PUM3: variants seen among roughly 807,000 people sequenced by gnomAD.
PUM3 encodes pumilio homolog 3.
A neutral mutation model predicts 84.0 loss-of-function variants in PUM3; 91 were observed. The ratio of observed to expected loss-of-function variants is 1.08; its 90% CI spans 0.91 to 1.29. The LOEUF (loss-of-function observed/expected upper bound fraction) is 1.29. PUM3 is among the 50% of genes most tolerant of loss of function. PUM3 has a pLI of 0.00. For synonymous variants in PUM3, 321 were observed against 266.7 expected (o/e 1.20, Z -1.98); for missense variants, 1,067 against 767.5 (o/e 1.39, Z -4.61).
intron 16 of PUM3, among the ~76,000 whole-genome samples, chr9:2,808,610 A>C (rs553816870): frequency 3.9e-5 from 6 of 152,320 alleles, no homozygotes; most frequent in Admixed American, 1.3e-4. Flanking sequence ...GTACTATATA[A>C]TTCATTCAAA....
Position 2,820,142 on chromosome 9 carries a change from G to C in PUM3, c.1189-44C>G, listed in dbSNP as rs564916000. 2.9e-5 allele frequency: 34 copies of C among 1,155,444 alleles called. No homozygotes were observed. The East Asian group carries it at 7.7e-4, about 26-fold the overall frequency. 71.6% of individuals were successfully genotyped at this position (1,155,444 alleles called of 1,614,324 possible). A position where few individuals can be genotyped will look rare whatever the true frequency, so the allele number is the denominator to read the frequency against. On this transcript the variant is annotated intron_variant, in intron 12 of 17. Coordinates refer to ENST00000397885, the MANE Select transcript of PUM3 (RefSeq NM_014878.5). ...AGCAAAGGTTAAAAACAAGTGCATA[G>C]ATCTTCCCTCTTATTTCACACATGG...
chr9:2,811,606 T>A, intron 14 of PUM3, 23 bp from the exon 15 acceptor site: 1 of 1,575,208 alleles, frequency 6.3e-7, no homozygotes, highest in Non-Finnish European at 8.7e-7. Context: ...TTGAACGGGG[T>A]ATTAAGGTAA....
At position 2,843,654 on chromosome 9, in the gene PUM3, C is replaced by A. The variant is rs187928409; in HGVS notation, c.-11+391G>T. Among the ~76,000 whole-genome samples, 838 of 147,042 alleles carry A rather than the reference C, an allele frequency of 5.7e-3. 7 individuals are homozygous for A. Among genetic ancestry groups the A allele is most frequent in the Middle Eastern group, 0.038 (11 of 286 alleles). On this transcript the variant is annotated intron_variant, in intron 1 of 17. Coordinates refer to ENST00000397885, the MANE Select transcript of PUM3 (RefSeq NM_014878.5). ...AGTGTAGTGGCACGATCTTGGCTCA[C>A]TGCAAGCTCCGCCTCCCGGGTTCAC...
rs1191559050 is a variant in PUM3 at position 2,810,424 on chromosome 9, A to G, written c.1643T>C (p.Ile548Thr). 6.2e-7 allele frequency: 1 copy of G among 1,605,704 alleles called. No homozygotes were observed. The highest frequency in any genetic ancestry group is 8.5e-7 in the Non-Finnish European group (1 of 1,175,342). The change falls in exon 16 of 18, where the codon ATT (isoleucine) becomes ACT (threonine). Residue 548 changes from isoleucine (I) to threonine (T), a missense_variant. Ile to Thr is a moderately conservative substitution (Grantham distance 89). Coordinates refer to ENST00000397885, the MANE Select transcript of PUM3 (RefSeq NM_014878.5). ...TAGATGTCCTGCAGGATGTTCTGCA[A>G]TGTGAAGCTATGAAGGGTCAAGAAC... Reference protein sequence around the residue: ...HPGGKDGELHIAEHPAGHLVL... With the variant: ...HPGGKDGELHTAEHPAGHLVL...
Position 2,807,887 on chromosome 9 carries a change from G to A in PUM3, c.1741C>T (p.Leu581Phe), listed in dbSNP as rs771186255. 1.9e-6 allele frequency: 3 copies of A among 1,612,552 alleles called. No individual in the cohort carries two copies. Among genetic ancestry groups the A allele is most frequent in the African/African-American group, 2.7e-5 (2 of 74,892 alleles). Residue 581 changes from leucine to phenylalanine, a missense_variant, in exon 17 of 18, where the codon CTT becomes TTT. Leu to Phe is a conservative substitution (Grantham distance 22). Transcript: ENST00000397885. ...NGREGCFAKT[L>F]VEHVGMKNLK... ...TTCTTCATACCAACATGCTCTACAA[G>A]TGTTTTTGCAAAACAACCTGTAAAA... is the stretch of plus-strand genomic sequence containing the variant.
intron 16 of PUM3, among the ~76,000 whole-genome samples, chr9:2,808,360 T>G (rs1035869942): frequency 7.2e-5 from 11 of 152,218 alleles, no homozygotes; most frequent in Admixed American, 1.3e-4. Context: ...TCAACAGTGG[T>G]TGATAAATGA....
intron 13 of PUM3, among the ~76,000 whole-genome samples, chr9:2,819,247 G>C (rs991830326): frequency 6.6e-6 from 1 of 152,182 alleles, no homozygotes; most frequent in Non-Finnish European, 1.5e-5. Context: ...ATCAGAAAAA[G>C]AGACTATTGA....
intron 5 of PUM3, 103 bp downstream of exon 5, chr9:2,833,254 C>A: frequency 1.8e-6 from 1 of 551,460 alleles, no homozygotes. Flanking sequence ...GCCAAATACA[C>A]CGGAAACAAT....
In PUM3 at chr9:2,835,532, T is replaced by G. The variant is rs1490243054; in HGVS notation, c.305-1366A>C. Among the ~76,000 whole-genome samples, 3 of 145,698 alleles carry G rather than the reference T, an allele frequency of 2.1e-5. No individual in the cohort carries two copies. In the East Asian group the frequency reaches 6.0e-4, roughly 29 times the overall value. ...AATGGCTATCCAATATACTACAATG[T>G]ATTTATTATTCCTTTATTGTTTACT... On this transcript the variant is annotated intron_variant, in intron 3 of 17. Transcript: ENST00000397885.
intron 13 of PUM3, among the ~76,000 whole-genome samples, chr9:2,819,167 C>T (rs1563828808): frequency 1.3e-5 from 2 of 152,160 alleles, no homozygotes; most frequent in Non-Finnish European, 2.9e-5. Flanking sequence ...TTATCCCCAC[C>T]CTGCTGCAAC....
At chr9:2,843,504 GT>G (rs1816321506) in intron 1 of PUM3, among the ~76,000 whole-genome samples, 1 of 151,944 alleles carries the variant, frequency 6.6e-6, no homozygotes, top group South Asian at 2.1e-4. Context: ...GGATTCCGGA[GT>G]GAAGCTAGTC....
intron 9 of PUM3, among the ~76,000 whole-genome samples, chr9:2,828,042 T>C (rs984606882): frequency 6.6e-6 from 1 of 151,926 alleles, no homozygotes; most frequent in East Asian, 1.9e-4. Flanking sequence ...ATTTTTTAAT[T>C]TTTTTTTATT....
At chr9:2,810,564 G>A (rs1821345957) in intron 15 of PUM3, 133 bp from the exon 16 acceptor site, 1 of 611,834 alleles carries the variant, frequency 1.6e-6, no homozygotes. Flanking sequence ...ACAGGCTTAA[G>A]AGGTCTTTAT....
intron 14 of PUM3, 46 bp from the exon 15 acceptor site, chr9:2,811,629 A>G: frequency 2.1e-6 from 3 of 1,436,976 alleles, no homozygotes; most frequent in East Asian, 2.3e-5. Flanking sequence ...TAAATCGCAA[A>G]GGAAATGTGG....
intron 3 of PUM3, among the ~76,000 whole-genome samples, chr9:2,835,760 T>C (rs1816104616): frequency 1.3e-5 from 2 of 152,160 alleles, no homozygotes; most frequent in South Asian, 4.1e-4. Flanking sequence ...GGTTGTCTAG[T>C]AACCAATCTC....
In PUM3 at chr9:2,833,837, C is replaced by T. The variant is rs541868944; in HGVS notation, c.440+194G>A. On this transcript the variant is annotated intron_variant, in intron 4 of 17. Transcript: ENST00000397885. ...ACATTTTCATAAGCATATCCGATGC[C>T]ATCATAATGATTCTACACACTTCTG... is the stretch of plus-strand genomic sequence containing the variant. Among the ~76,000 whole-genome samples, 23 of 152,278 alleles carry T rather than the reference C, an allele frequency of 1.5e-4. 1 individual carries two copies. In the Middle Eastern group the frequency reaches 0.014, roughly 90 times the overall value.
chr9:2,835,059 A>T (rs1816086348), intron 3 of PUM3, among the ~76,000 whole-genome samples: 1 of 151,648 alleles, frequency 6.6e-6, no homozygotes, highest in Admixed American at 6.6e-5. Context: ...ACCAAAACCT[A>T]GCTATAGCCA....
At chr9:2,820,203 A>C (rs76322863) in intron 12 of PUM3, 105 bp from the exon 13 acceptor site, 9 of 240,018 alleles carry the variant, frequency 3.7e-5, no homozygotes, top group East Asian at 8.3e-5. Flanking sequence ...ACTCCGCTCA[A>C]AAAAAAAAAA....
chr9:2,830,918 C>T, intron 7 of PUM3, 44 bp downstream of exon 7: 1 of 1,023,462 alleles, frequency 9.8e-7, no homozygotes, highest in Non-Finnish European at 1.5e-6. Flanking sequence ...ACCATGTCTT[C>T]AAAAGACAAA....
Sources: gnomAD v4.1 joint callset for allele counts (sites outside exome capture counted in the v4.1 genomes callset) on GRCh38, gnomAD v4.1.1 for gene constraint, MANE v1.5 for transcripts, NCBI Gene and HGNC (gene_info 2026-07-23, HGNC 2026-07-21) for gene names.